Variants in TSPEAR observed in about 807,000 individuals in gnomAD.
The protein encoded by TSPEAR is thrombospondin type laminin G domain and EAR repeats.
In TSPEAR, 69 loss-of-function variants were observed where a neutral mutation model predicts 71.6. That is an observed-to-expected ratio of 0.96 (90% confidence interval 0.79 to 1.18). TSPEAR has a LOEUF of 1.18. TSPEAR is among the 50% of genes most tolerant of loss of function. The pLI, the probability that TSPEAR is intolerant of heterozygous loss-of-function variation, is 0.00. For missense variants in TSPEAR, 971 were observed against 894.9 expected (o/e 1.09, Z -1.09); for synonymous variants, 402 against 387.2 (o/e 1.04, Z -0.45).
At chr21:44,706,410 T>TGCACACACACGCGC (rs1165256127) in intron 1 of TSPEAR, among the ~76,000 whole-genome samples, 1 of 149,722 alleles carries the variant, frequency 6.7e-6, no homozygotes, top group African/African-American at 2.5e-5. Context: ...CACGCACCCA[T>TGCACACACACGCGC]GCACACACAC....
chr21:44,694,534 T>C (rs1987249002), intron 1 of TSPEAR, among the ~76,000 whole-genome samples: 2 of 152,340 alleles, frequency 1.3e-5, no homozygotes, highest in Admixed American at 1.3e-4. Context: ...ACCCACAGAA[T>C]TGTTCACTTA....
intron 1 of TSPEAR, chr21:44,697,292 G>A (rs782768966): frequency 9.3e-6 from 15 of 1,613,866 alleles, no homozygotes; most frequent in Admixed American, 6.7e-5. Flanking sequence ...GCAGGTGGAC[G>A]ACTGCCCAGA....
Position 44,620,503 on chromosome 21 carries a change from A to G in TSPEAR, c.83-52498T>C, listed in dbSNP as rs1397449207. 3.3e-5 allele frequency among the ~76,000 whole-genome samples: 5 copies of G among 152,206 alleles called. 1 individual carries two copies. The highest frequency in any genetic ancestry group is 3.3e-4 in the Admixed American group (5 of 15,278). On this transcript the variant is annotated intron_variant, in intron 1 of 11. Transcript: ENST00000323084. Reference sequence around the variant, plus strand: ...CCTTTATAATTATTTTTATTAACGTAAGGTCAGTAGTGATGTTCCCATTTT... The same window carrying G: ...CCTTTATAATTATTTTTATTAACGTGAGGTCAGTAGTGATGTTCCCATTTT...
At chr21:44,576,443 C>T (rs889168329) in intron 1 of TSPEAR, among the ~76,000 whole-genome samples, 1 of 138,260 alleles carries the variant, frequency 7.2e-6, no homozygotes, top group Non-Finnish European at 1.6e-5. Context: ...AACAGACACA[C>T]GGACGTCCCA....
rs149976186 is a variant in TSPEAR at position 44,528,746 on chromosome 21, C to T, written c.791-163G>A. Among the ~76,000 whole-genome samples, 5,414 of 152,322 alleles carry T rather than the reference C, an allele frequency of 0.036. 139 individuals carry two copies. Among genetic ancestry groups the T allele is most frequent in the Non-Finnish European group, 0.056 (3,792 of 68,022 alleles). ...TGGCACAAGCCTGCCACATCACAGA[C>T]GGGGAATTGAGAACCTGGCCTACCG... On this transcript the variant is annotated intron_variant, in intron 5 of 11. Coordinates refer to ENST00000323084, the MANE Select transcript of TSPEAR (RefSeq NM_144991.3).
chr21:44,499,830 T>C lies in TSPEAR; in HGVS notation c.1963A>G (p.Ser655Gly). Reference protein sequence around the residue: ...TTAGAYLIYSSAKEPLSRVLR... With the variant: ...TTAGAYLIYSGAKEPLSRVLR... ...ACCCTGGAGAGGGGCTCCTTGGCGC[T>C]GGAGTAGATGAGGTAGGCACCAGCC... The change falls in exon 12 of 12, where the codon AGC becomes GGC. Residue 655 changes from serine (S) to glycine (G), a missense_variant. By Grantham distance (56) the Ser-to-Gly change is moderately conservative. Coordinates refer to ENST00000323084, the MANE Select transcript of TSPEAR (RefSeq NM_144991.3). 2 of 1,590,282 alleles carry C rather than the reference T, an allele frequency of 1.3e-6. No homozygotes were observed. The highest frequency in any genetic ancestry group is 1.7e-6 in the Non-Finnish European group (2 of 1,169,654).
intron 11 of TSPEAR, among the ~76,000 whole-genome samples, chr21:44,501,411 C>T (rs2052027258): frequency 6.6e-6 from 1 of 152,102 alleles, no homozygotes; most frequent in African/African-American, 2.4e-5. Context: ...CTGGCTAACA[C>T]AGTGAAACCC....
chr21:44,646,731 C>T (rs1490614204), intron 1 of TSPEAR: 5 of 1,614,046 alleles, frequency 3.1e-6, no homozygotes, highest in Non-Finnish European at 4.2e-6. Flanking sequence ...CTTGCTGCAC[C>T]TCCTCCCCCT....
intron 2 of TSPEAR, among the ~76,000 whole-genome samples, chr21:44,543,920 T>TA (rs1569176977): frequency 1.3e-5 from 2 of 152,166 alleles, no homozygotes; most frequent in Non-Finnish European, 2.9e-5. Flanking sequence ...AATGAAGGAA[T>TA]AAAAAAACTT....
chr21:44,585,820 T>C (rs1979300879), intron 1 of TSPEAR, among the ~76,000 whole-genome samples: 1 of 152,250 alleles, frequency 6.6e-6, no homozygotes, highest in Non-Finnish European at 1.5e-5. Context: ...TTTGCTTCTC[T>C]GTCATGCTGT....
chr21:44,534,106 GC>G (rs1316578023), intron 2 of TSPEAR, among the ~76,000 whole-genome samples, 183 bp from the exon 3 acceptor site: 3 of 128,924 alleles, frequency 2.3e-5, no homozygotes, highest in Non-Finnish European at 4.8e-5. Context: ...CTTCTAATTA[GC>G]CCTCTAATGG....
chr21:44,591,884 T>C lies in TSPEAR; in HGVS notation c.83-23879A>G, dbSNP rs1555926706. 1 of 1,591,546 alleles carries C rather than the reference T, an allele frequency of 6.3e-7. No individual in the cohort carries two copies. ...CAGCATGAGGGTGTGCAGGAGCTGGTGCAGCCTGATTGGCAGGGGCTGGGC... is the reference window on the plus strand; with the variant it reads ...CAGCATGAGGGTGTGCAGGAGCTGGCGCAGCCTGATTGGCAGGGGCTGGGC... On this transcript the variant is annotated intron_variant, in intron 1 of 11. Coordinates refer to ENST00000323084, the MANE Select transcript of TSPEAR (RefSeq NM_144991.3).
rs1986291631 is a variant in TSPEAR, at chr21:44,675,890, G to A, written c.82+35543C>T. On this transcript the variant is annotated intron_variant, in intron 1 of 11. Coordinates refer to ENST00000323084, the MANE Select transcript of TSPEAR (RefSeq NM_144991.3). ...ACCTTACTCTGGCTGTACTTGAGTGGTTCTTGTGCCTACGGCGCTGGCATA... is the reference window on the plus strand; with the variant it reads ...ACCTTACTCTGGCTGTACTTGAGTGATTCTTGTGCCTACGGCGCTGGCATA... The A allele has an allele frequency of 4.1e-6, 3 of 735,824 alleles. No homozygotes were observed. The African/African-American group carries it at 5.2e-5, about 13-fold the overall frequency. The allele number at this position is 735,824 out of a possible 1,614,324, so 45.6% of individuals were successfully genotyped here.
chr21:44,501,132 C>T (rs2052021595), intron 11 of TSPEAR, among the ~76,000 whole-genome samples: 1 of 152,204 alleles, frequency 6.6e-6, no homozygotes. Flanking sequence ...AAGTAAAACC[C>T]ATCCTTTTCT....
intron 1 of TSPEAR, chr21:44,601,051 G>C (rs782344628): frequency 1.9e-6 from 3 of 1,612,054 alleles, no homozygotes; most frequent in Admixed American, 1.7e-5. Context: ...CTGCCAGTCA[G>C]CTTGCTGCAC....
chr21:44,517,748 C>T (rs1555913649), intron 9 of TSPEAR: 1 of 471,110 alleles, frequency 2.1e-6, no homozygotes. Flanking sequence ...CATCACTCGC[C>T]TTCAGAACAC....
At chr21:44,550,665 C>T (rs782592620) in intron 2 of TSPEAR, 36 of 1,609,674 alleles carry the variant, frequency 2.2e-5, no homozygotes, top group Non-Finnish European at 2.9e-5. Flanking sequence ...GGGCCTGAGC[C>T]CGGCTGGCCC....
At chr21:44,529,769 G>T (rs782450447) in intron 5 of TSPEAR, 29 bp downstream of exon 5, 9 of 1,612,818 alleles carry the variant, frequency 5.6e-6, no homozygotes, top group Non-Finnish European at 2.5e-6. Context: ...TCTGCCTTTG[G>T]TGTGGGGGCG....
chr21:44,611,238 CT>C (rs1981649134), intron 1 of TSPEAR, among the ~76,000 whole-genome samples: 1 of 152,164 alleles, frequency 6.6e-6, no homozygotes, highest in Non-Finnish European at 1.5e-5. Context: ...CAAATCTCGA[CT>C]TGAATTTCAT....
Sources: gnomAD v4.1 joint callset for allele counts (sites outside exome capture counted in the v4.1 genomes callset) on GRCh38, gnomAD v4.1.1 for gene constraint, MANE v1.5 for transcripts, NCBI Gene and HGNC (gene_info 2026-07-23, HGNC 2026-07-21) for gene names.